Variants in TSPEAR observed in about 807,000 individuals in gnomAD.
The protein encoded by TSPEAR is thrombospondin-type laminin G domain and EAR repeat-containing protein.
Under a neutral mutation model 71.6 loss-of-function variants are expected in TSPEAR, and 69 were observed. The ratio of observed to expected loss-of-function variants is 0.96; its 90% CI spans 0.79 to 1.18. The LOEUF is 1.18. Ranked by LOEUF, TSPEAR falls within the 50% of genes most tolerant of loss-of-function variation. The pLI, the probability that TSPEAR is intolerant of heterozygous loss-of-function variation, is 0.00. For missense variants in TSPEAR, 971 were observed against 894.9 expected (o/e 1.09, Z -1.09); for synonymous variants, 402 against 387.2 (o/e 1.04, Z -0.45).
chr21:44,592,905 G>T (rs1180443977), intron 1 of TSPEAR, among the ~76,000 whole-genome samples: 2 of 152,128 alleles, frequency 1.3e-5, no homozygotes, highest in Admixed American at 6.5e-5. Flanking sequence ...CCGGACACAG[G>T]ACTGTGGCCA....
At chr21:44,511,863 T>C (rs587638077) in intron 9 of TSPEAR, among the ~76,000 whole-genome samples, 10 of 152,314 alleles carry the variant, frequency 6.6e-5, no homozygotes, top group African/African-American at 2.2e-4. Context: ...CACTCAGCAC[T>C]GTGTAGAGAG....
rs782002593 is a variant in TSPEAR, at chr21:44,654,255, G to A, written c.82+57178C>T. On this transcript the variant is annotated intron_variant, in intron 1 of 11. Coordinates refer to ENST00000323084, the MANE Select transcript of TSPEAR (RefSeq NM_144991.3). Reference sequence around the variant, plus strand: ...CTGGCTTCTGACCTCGCACCTACGAGGGTCATAGGAGGCCACCTGCTCAGC... The same window carrying A: ...CTGGCTTCTGACCTCGCACCTACGAAGGTCATAGGAGGCCACCTGCTCAGC... The A allele has an allele frequency of 8.2e-6, 13 of 1,589,570 alleles. No individual in the cohort carries two copies. The Admixed American group carries it at 8.3e-5, about 10-fold the overall frequency.
At chr21:44,527,627 G>C in intron 6 of TSPEAR, 109 bp from the exon 7 acceptor site, 1 of 1,038,332 alleles carries the variant, frequency 9.6e-7, no homozygotes, top group East Asian at 2.5e-5. Context: ...CACGACTCCT[G>C]CGCCTCAGCC....
rs587715259 is a variant in TSPEAR, at chr21:44,511,354, C to T, written c.1567-1968G>A. On this transcript the variant is annotated intron_variant, in intron 9 of 11. Coordinates refer to ENST00000323084, the MANE Select transcript of TSPEAR (RefSeq NM_144991.3). The stretch of plus-strand genomic sequence containing the variant: ...GCATACACACACAAACATGCATATG[C>T]ACTGTGTACACACACACATATATGC... Among the ~76,000 whole-genome samples the T allele has an allele frequency of 1.1e-4, 16 of 151,732 alleles. No homozygotes were observed. In the South Asian group the frequency reaches 1.2e-3, roughly 12 times the overall value.
chr21:44,525,946 C>T, intron 7 of TSPEAR, 107 bp from the exon 8 acceptor site: 7 of 1,156,246 alleles, frequency 6.1e-6, no homozygotes, highest in Non-Finnish European at 8.9e-6. Flanking sequence ...TCCACGGCTG[C>T]TACGTGGTGC....
intron 2 of TSPEAR, among the ~76,000 whole-genome samples, chr21:44,556,550 G>A (rs1239278867): frequency 1.3e-5 from 2 of 152,168 alleles, no homozygotes; most frequent in African/African-American, 4.8e-5. Flanking sequence ...AAAATTAGCT[G>A]GGCATGGTGG....
At chr21:44,504,286 G>A (rs587682706) in intron 11 of TSPEAR, among the ~76,000 whole-genome samples, 12 of 148,156 alleles carry the variant, frequency 8.1e-5, no homozygotes, top group Admixed American at 4.0e-4. Flanking sequence ...CAGGGCTCTG[G>A]GAGGAAGCCG....
intron 9 of TSPEAR, chr21:44,509,737 T>C (rs1569152569): frequency 3.4e-6 from 1 of 294,820 alleles, no homozygotes; most frequent in African/African-American, 2.2e-5. Context: ...TCTCCCTGAA[T>C]GTTAGTGCCA....
chr21:44,646,979 G>A, intron 1 of TSPEAR: 3 of 1,613,424 alleles, frequency 1.9e-6, no homozygotes, highest in Non-Finnish European at 2.5e-6. Flanking sequence ...CAGTCTAGCT[G>A]CCAGCCAGCT....
chr21:44,654,401 C>A (rs1984999135), intron 1 of TSPEAR: 1 of 1,614,038 alleles, frequency 6.2e-7, no homozygotes, highest in Non-Finnish European at 8.5e-7. Flanking sequence ...CTCACAGGCA[C>A]ACAGCAGGCC....
chr21:44,505,902 ACAAT>A (rs2052187496), intron 10 of TSPEAR, among the ~76,000 whole-genome samples: 1 of 152,150 alleles, frequency 6.6e-6, no homozygotes, highest in Non-Finnish European at 1.5e-5. Context: ...AGAGGTTGAA[ACAAT>A]CAGAGAAAAA....
intron 1 of TSPEAR, among the ~76,000 whole-genome samples, chr21:44,594,537 G>A (rs1555927392): frequency 2.0e-5 from 3 of 152,202 alleles, no homozygotes; most frequent in Non-Finnish European, 4.4e-5. Flanking sequence ...TTTGGATTTG[G>A]ACGGGTCAGT....
chr21:44,557,528 G>T (rs1412282706), intron 2 of TSPEAR, among the ~76,000 whole-genome samples: 1 of 152,210 alleles, frequency 6.6e-6, no homozygotes, highest in Non-Finnish European at 1.5e-5. Context: ...GGAGAGAGGG[G>T]GAGGAGCTGA....
chr21:44,631,433 G>A (rs1983250626), intron 1 of TSPEAR, among the ~76,000 whole-genome samples: 1 of 152,174 alleles, frequency 6.6e-6, no homozygotes, highest in Non-Finnish European at 1.5e-5. Context: ...AAAACAAAAA[G>A]AGGCCGAGCG....
intron 2 of TSPEAR, among the ~76,000 whole-genome samples, chr21:44,553,958 G>T (rs375417094): frequency 1.3e-5 from 2 of 152,148 alleles, no homozygotes; most frequent in African/African-American, 4.8e-5. Flanking sequence ...AGATAACAGC[G>T]ATGTATTTTC....
At chr21:44,683,281 C>T (rs774312420) in intron 1 of TSPEAR, among the ~76,000 whole-genome samples, 1 of 129,224 alleles carries the variant, frequency 7.7e-6, no homozygotes, top group African/African-American at 2.8e-5. Flanking sequence ...AGGTCATTCT[C>T]CAGTAACTGA....
Position 44,588,295 on chromosome 21 carries a change from T to C in TSPEAR, c.83-20290A>G, listed in dbSNP as rs140199265. Among the ~76,000 whole-genome samples, 1,238 of 152,310 alleles carry C rather than the reference T, an allele frequency of 8.1e-3. 17 individuals are homozygous for C. Among genetic ancestry groups the C allele is most frequent in the Non-Finnish European group, 7.7e-3 (521 of 68,032 alleles). ...AAAAAATGCTTAACATCACTAATGA[T>C]GAAGGAAATGCAAATCAAAACCACA... On this transcript the variant is annotated intron_variant, in intron 1 of 11. Transcript: ENST00000323084.
chr21:44,681,714 G>A lies in TSPEAR; in HGVS notation c.82+29719C>T, dbSNP rs1336794832. 49 of 1,276,528 alleles carry A rather than the reference G, an allele frequency of 3.8e-5. No homozygotes were observed. In the East Asian group the frequency reaches 4.7e-4, roughly 12 times the overall value. The allele number at this position is 1,276,528 out of a possible 1,614,324, so 79.1% of individuals were successfully genotyped here. A position where few individuals can be genotyped will look rare whatever the true frequency, so the allele number is the denominator to read the frequency against. On this transcript the variant is annotated intron_variant, in intron 1 of 11. Coordinates refer to ENST00000323084, the MANE Select transcript of TSPEAR (RefSeq NM_144991.3). ...TATATTCTCGATCCAGAATTCAGAGGGTTCACTGAGCATGCTTTTCACCTG... is the reference window on the plus strand; with the variant it reads ...TATATTCTCGATCCAGAATTCAGAGAGTTCACTGAGCATGCTTTTCACCTG...
chr21:44,594,042 A>T (rs1199530378), intron 1 of TSPEAR, among the ~76,000 whole-genome samples: 1 of 152,172 alleles, frequency 6.6e-6, no homozygotes, highest in Non-Finnish European at 1.5e-5. Context: ...TCTGAGGTTT[A>T]GGGCCTCATT....
Sources: gnomAD v4.1 joint callset for allele counts (sites outside exome capture counted in the v4.1 genomes callset) on GRCh38, gnomAD v4.1.1 for gene constraint, MANE v1.5 for transcripts, NCBI Gene and HGNC (gene_info 2026-07-23, HGNC 2026-07-21) for gene names.